ANKRD44: variants seen among roughly 807,000 people sequenced by gnomAD.
ANKRD44 encodes the protein ankyrin repeat domain 44.
Under a neutral mutation model 116.0 loss-of-function variants are expected in ANKRD44, and 35 were observed. That is an observed-to-expected ratio of 0.30 (90% CI 0.23 to 0.40). ANKRD44 has a LOEUF of 0.40. Among genes scored for constraint, ANKRD44 ranks in the 10% least tolerant of loss-of-function variants. The pLI is 1.00. For synonymous variants in ANKRD44, 435 were observed against 461.8 expected, an observed-to-expected ratio of 0.94 and a Z score of 0.74; for missense variants, 1,014 against 1,242.6, an observed-to-expected ratio of 0.82 and a Z score of 2.77.
chr2:197,251,345 T>G (rs1029953524), intron 1 of ANKRD44, among the ~76,000 whole-genome samples: 1 of 152,216 alleles, frequency 6.6e-6, no homozygotes, highest in African/African-American at 2.4e-5. Context: ...CTTACAGCTT[T>G]TTTTTCCTTT....
rs150385594 is a variant in ANKRD44 at position 197,309,472 on chromosome 2, G to A, written c.27+1106C>T. The stretch of plus-strand genomic sequence containing the variant: ...GAACAAATCATTGCAAATCATTGTG[G>A]TGACGGACTGCACTTCAGTTGCAAG... On this transcript the variant is annotated intron_variant, in intron 1 of 27. Transcript: ENST00000282272. 8.8e-4 allele frequency among the ~76,000 whole-genome samples: 134 copies of A among 152,298 alleles called. 4 individuals carry two copies. In the South Asian group the frequency reaches 0.021, roughly 24 times the overall value.
At chr2:196,993,995 T>C (rs986873413) in intron 26 of ANKRD44, among the ~76,000 whole-genome samples, 2 of 152,196 alleles carry the variant, frequency 1.3e-5, no homozygotes, top group African/African-American at 4.8e-5. Flanking sequence ...ACTGCTTGAT[T>C]TCTAACACAG....
intron 2 of ANKRD44, among the ~76,000 whole-genome samples, chr2:197,166,582 G>T (rs1440107579): frequency 6.6e-6 from 1 of 152,210 alleles, no homozygotes; most frequent in Non-Finnish European, 1.5e-5. Flanking sequence ...AATATTCCTA[G>T]AACAGAGAAG....
intron 1 of ANKRD44, among the ~76,000 whole-genome samples, chr2:197,223,842 A>G (rs1447618488): frequency 6.6e-6 from 1 of 152,178 alleles, no homozygotes; most frequent in Non-Finnish European, 1.5e-5. Context: ...GGCTATATCT[A>G]TTTGTTGTGT....
chr2:197,104,484 A>G (rs1415646591), intron 9 of ANKRD44, among the ~76,000 whole-genome samples: 1 of 152,196 alleles, frequency 6.6e-6, no homozygotes, highest in African/African-American at 2.4e-5. Flanking sequence ...ACACACCAGC[A>G]AAAAACTTTT....
At chr2:197,113,656 G>C (rs2078642759) in intron 8 of ANKRD44, among the ~76,000 whole-genome samples, 1 of 152,160 alleles carries the variant, frequency 6.6e-6, no homozygotes, top group Non-Finnish European at 1.5e-5. Flanking sequence ...TGAAGTGTGT[G>C]GTGGGCAAAG....
chr2:197,123,960 TC>T (rs2078918124), intron 6 of ANKRD44, among the ~76,000 whole-genome samples: 1 of 152,220 alleles, frequency 6.6e-6, no homozygotes, highest in Non-Finnish European at 1.5e-5. Context: ...TGATTTGATT[TC>T]TTTAGAGTCA....
intron 2 of ANKRD44, chr2:197,147,809 G>A (rs1425440386): frequency 4.5e-6 from 2 of 442,138 alleles, no homozygotes; most frequent in Non-Finnish European, 9.0e-6. Flanking sequence ...TGATTCAGGA[G>A]ATGGGAATAA....
intron 6 of ANKRD44, 144 bp downstream of exon 6, chr2:197,125,237 G>A: frequency 1.4e-6 from 1 of 738,514 alleles, no homozygotes; most frequent in Non-Finnish European, 2.3e-6. Context: ...ATGCATGCCA[G>A]TAAAACCAAC....
intron 2 of ANKRD44, among the ~76,000 whole-genome samples, chr2:197,185,373 C>T (rs919160835): frequency 6.6e-6 from 1 of 152,244 alleles, no homozygotes; most frequent in African/African-American, 2.4e-5. Flanking sequence ...CCAAATGACT[C>T]GCCTTCTGAA....
chr2:197,243,022 C>T (rs1309418828), intron 1 of ANKRD44, among the ~76,000 whole-genome samples: 2 of 152,184 alleles, frequency 1.3e-5, no homozygotes, highest in Non-Finnish European at 2.9e-5. Context: ...TGTTGCCCTG[C>T]CTAATTACAG....
intron 18 of ANKRD44, among the ~76,000 whole-genome samples, chr2:197,009,683 T>C (rs956928319): frequency 1.1e-4 from 17 of 152,146 alleles, no homozygotes; most frequent in Non-Finnish European, 1.6e-4. Context: ...GTGACATTTA[T>C]TTGGACTTCA....
At chr2:197,100,239 A>G (rs1463383207) in intron 9 of ANKRD44, among the ~76,000 whole-genome samples, 3 of 152,166 alleles carry the variant, frequency 2.0e-5, no homozygotes, top group African/African-American at 7.2e-5. Context: ...GTTTCAGACC[A>G]GCCTGACCAA....
Position 197,118,817 on chromosome 2 carries a change from T to C in ANKRD44, c.906+2515A>G, listed in dbSNP as rs561771029. On this transcript the variant is annotated intron_variant, in intron 8 of 27. Transcript: ENST00000282272. ...TTAGCATTAAAAAAGAGATCATATT[T>C]CTTTATTGCATTTCAATGTTTTCAT... Among the ~76,000 whole-genome samples, 4 of 152,328 alleles carry C rather than the reference T, an allele frequency of 2.6e-5. No individual in the cohort carries two copies. The South Asian group carries it at 8.3e-4, about 32-fold the overall frequency.
intron 1 of ANKRD44, among the ~76,000 whole-genome samples, chr2:197,222,835 C>T (rs2081616231): frequency 6.7e-6 from 1 of 148,518 alleles, no homozygotes; most frequent in Non-Finnish European, 1.5e-5. Context: ...TTTTTTGAGA[C>T]GGATTCTCAC....
chr2:197,089,853 G>T, intron 11 of ANKRD44, 97 bp downstream of exon 11: 1 of 1,004,508 alleles, frequency 1.0e-6, no homozygotes, highest in East Asian at 2.5e-5. Context: ...GTAATGACAT[G>T]AAGCACAGGC....
At chr2:197,264,553 A>G (rs1362016134) in intron 1 of ANKRD44, among the ~76,000 whole-genome samples, 1 of 152,176 alleles carries the variant, frequency 6.6e-6, no homozygotes, top group Non-Finnish European at 1.5e-5. Flanking sequence ...TTGAAGTCAG[A>G]GCTGCAACAA....
At chr2:197,083,028 T>C (rs1382012550) in intron 14 of ANKRD44, among the ~76,000 whole-genome samples, 1 of 152,220 alleles carries the variant, frequency 6.6e-6, no homozygotes, top group African/African-American at 2.4e-5. Context: ...TATTAGCAAA[T>C]GTAAGTTTTA....
intron 1 of ANKRD44, among the ~76,000 whole-genome samples, chr2:197,196,208 G>T (rs777836998): frequency 1.6e-4 from 24 of 152,128 alleles, no homozygotes; most frequent in Non-Finnish European, 3.1e-4. Flanking sequence ...ATGAGAGGTG[G>T]ATTTAATAAT....
Sources: allele counts gnomAD v4.1 joint callset (sites outside exome capture counted in the v4.1 genomes callset), GRCh38; gene constraint gnomAD v4.1.1; transcripts MANE v1.5; gene names NCBI Gene and HGNC (gene_info 2026-07-23, HGNC 2026-07-21).